SLC9B1: variants seen among roughly 807,000 people sequenced by gnomAD.
The protein encoded by SLC9B1 is solute carrier family 9 member B1, also known as sodium/hydrogen exchanger 9B1.
A neutral mutation model predicts 51.7 loss-of-function variants in SLC9B1; 32 were observed. The observed-to-expected ratio is 0.62, with a 90% CI of 0.47 to 0.83. The LOEUF is 0.83. Ranked by LOEUF, SLC9B1 falls within the 40% of genes least tolerant of loss-of-function variation. SLC9B1 has a pLI of 0.00. For missense variants in SLC9B1, 406 were observed against 613.2 expected, an observed-to-expected ratio of 0.66 and a Z score of 3.57; for synonymous variants, 145 against 212.7, an observed-to-expected ratio of 0.68 and a Z score of 2.77.
chr4:103,001,485 G>C (rs1342866064), intron 1 of SLC9B1, among the ~76,000 whole-genome samples: 1 of 152,210 alleles, frequency 6.6e-6, no homozygotes, highest in Non-Finnish European at 1.5e-5. Flanking sequence ...TCTCTCTTGA[G>C]TATGAAGTTC....
At chr4:102,980,584 G>T (rs900186922) in intron 3 of SLC9B1, among the ~76,000 whole-genome samples, 10 of 152,124 alleles carry the variant, frequency 6.6e-5, no homozygotes, top group African/African-American at 2.4e-4. Context: ...GGCTTGTTGA[G>T]GGGGTTGAGG....
At chr4:102,957,868 T>C (rs956459268) in intron 3 of SLC9B1, among the ~76,000 whole-genome samples, 1 of 152,178 alleles carries the variant, frequency 6.6e-6, no homozygotes, top group African/African-American at 2.4e-5. Flanking sequence ...ACTATAACAA[T>C]ACTGCTGAGT....
chr4:102,927,525 A>T (rs564726885), intron 7 of SLC9B1, among the ~76,000 whole-genome samples: 1 of 152,240 alleles, frequency 6.6e-6, no homozygotes, highest in Admixed American at 6.5e-5. Context: ...CCACAATGAG[A>T]TATCATCTCA....
chr4:102,973,309 A>T (rs1738859623), intron 3 of SLC9B1, among the ~76,000 whole-genome samples: 1 of 152,192 alleles, frequency 6.6e-6, no homozygotes, highest in Non-Finnish European at 1.5e-5. Flanking sequence ...CTATTTTCAT[A>T]TCAAAAACTA....
chr4:102,981,334 C>T (rs551221417), intron 3 of SLC9B1, among the ~76,000 whole-genome samples: 6 of 152,160 alleles, frequency 3.9e-5, no homozygotes, highest in African/African-American at 9.6e-5. Context: ...GGTTTTTGTG[C>T]GGACTTAAGT....
chr4:102,898,742 T>G (rs111284793), downstream of SLC9B1, among the ~76,000 whole-genome samples: 1 of 152,234 alleles, frequency 6.6e-6, no homozygotes, highest in Non-Finnish European at 1.5e-5. Context: ...TATTTTATTT[T>G]TTTGAGACGG....
chr4:102,910,069 C>T lies in SLC9B1; in HGVS notation c.1086+370G>A, dbSNP rs529908255. On this transcript the variant is annotated intron_variant, in intron 9 of 11. Coordinates refer to ENST00000296422, the MANE Select transcript of SLC9B1 (RefSeq NM_139173.4). ...ACCCCACGCGATCTGTCCGCCTCCA[C>T]CTCCCAAAGTTCTGGGATTACAGGC... is the stretch of plus-strand genomic sequence containing the variant. Among the ~76,000 whole-genome samples, 3 of 152,282 alleles carry T rather than the reference C, an allele frequency of 2.0e-5. No individual in the cohort carries two copies. The South Asian group carries it at 6.2e-4, about 32-fold the overall frequency.
At chr4:102,888,415 GT>G (rs1219071252) in intron 11 of SLC9B1, 2 of 152,142 alleles carry the variant, frequency 1.3e-5, no homozygotes, top group Non-Finnish European at 2.9e-5. Context: ...GTACACATGA[GT>G]TTCACATCCC....
chr4:102,974,911 T>A (rs1217516245), intron 3 of SLC9B1, among the ~76,000 whole-genome samples: 1 of 152,112 alleles, frequency 6.6e-6, no homozygotes, highest in Non-Finnish European at 1.5e-5. Flanking sequence ...TAATAGTAAA[T>A]CTAGTAATGT....
At chr4:102,930,156 A>C (rs541144348) in intron 7 of SLC9B1, among the ~76,000 whole-genome samples, 23 of 152,316 alleles carry the variant, frequency 1.5e-4, no homozygotes, top group African/African-American at 5.5e-4. Flanking sequence ...ACTAGTATTC[A>C]AAATACTTCA....
intron 3 of SLC9B1, among the ~76,000 whole-genome samples, chr4:102,959,709 C>T (rs1737996130): frequency 6.6e-6 from 1 of 152,158 alleles, no homozygotes; most frequent in Non-Finnish European, 1.5e-5. Context: ...CTCCCCTGTG[C>T]TGTTGGTCAG....
chr4:102,903,465 C>T (rs1201445432), intron 11 of SLC9B1, among the ~76,000 whole-genome samples: 1 of 152,196 alleles, frequency 6.6e-6, no homozygotes, highest in African/African-American at 2.4e-5. Flanking sequence ...CAGTCATAGA[C>T]TTCATTGTAA....
intron 11 of SLC9B1, 52 bp downstream of exon 11, chr4:102,905,462 T>A: frequency 1.3e-6 from 2 of 1,529,456 alleles, no homozygotes; most frequent in Non-Finnish European, 1.8e-6. Flanking sequence ...CATTTTAAAT[T>A]TTAAAAGCAT....
intron 1 of SLC9B1, among the ~76,000 whole-genome samples, chr4:102,996,883 C>T (rs1022209515): frequency 4.6e-5 from 7 of 151,950 alleles, no homozygotes; most frequent in African/African-American, 1.7e-4. Flanking sequence ...ATCTCCTGGG[C>T]TCAAGTGATC....
chr4:102,986,806 T>A (rs1271097302), intron 3 of SLC9B1, among the ~76,000 whole-genome samples: 3 of 152,212 alleles, frequency 2.0e-5, no homozygotes, highest in African/African-American at 7.2e-5. Flanking sequence ...GTTTTTGATA[T>A]CTGGCATCTC....
intron 3 of SLC9B1, among the ~76,000 whole-genome samples, chr4:102,987,475 C>T (rs891213286): frequency 1.3e-5 from 2 of 152,072 alleles, no homozygotes; most frequent in African/African-American, 4.8e-5. Context: ...GCTGAAGAAA[C>T]TGAAAAATCA....
At chr4:102,939,812 T>C (rs1736902976) in intron 6 of SLC9B1, among the ~76,000 whole-genome samples, 2 of 152,024 alleles carry the variant, frequency 1.3e-5, no homozygotes, top group Admixed American at 6.6e-5. Flanking sequence ...CATCCCTTCA[T>C]GATATAGACC....
chr4:102,902,403 A>G (rs1410871099), intron 11 of SLC9B1, among the ~76,000 whole-genome samples: 1 of 152,172 alleles, frequency 6.6e-6, no homozygotes, highest in Non-Finnish European at 1.5e-5. Context: ...GTAACTTTTA[A>G]TGTACTGAAC....
chr4:102,986,254 GTT>G (rs138003685), intron 3 of SLC9B1, among the ~76,000 whole-genome samples: 1 of 88,582 alleles, frequency 1.1e-5, no homozygotes, highest in Non-Finnish European at 2.3e-5. Flanking sequence ...GGCTGGTGTT[GTT>G]TTTTTTTTTT....
Sources: gnomAD v4.1 joint callset for allele counts (sites outside exome capture counted in the v4.1 genomes callset) on GRCh38, gnomAD v4.1.1 for gene constraint, MANE v1.5 for transcripts, NCBI Gene and HGNC (gene_info 2026-07-23, HGNC 2026-07-21) for gene names.